Variants in R3HDM1 observed in about 807,000 individuals in gnomAD.
R3HDM1 encodes R3H domain-containing protein 1.
R3HDM1 carries 46 observed loss-of-function variants against 141.1 expected under a neutral mutation model. That is an observed-to-expected ratio of 0.33 (90% CI 0.26 to 0.42). The LOEUF is 0.42. Among genes scored for constraint, R3HDM1 ranks in the 10% least tolerant of loss-of-function variants. The pLI, the probability that R3HDM1 is intolerant of heterozygous loss-of-function variation, is 1.00. For missense variants in R3HDM1, 1,184 were observed against 1,368.3 expected, an observed-to-expected ratio of 0.87 and a Z score of 2.12; for synonymous variants, 435 against 472.9, an observed-to-expected ratio of 0.92 and a Z score of 1.04.
intron 1 of R3HDM1, among the ~76,000 whole-genome samples, chr2:135,569,490 A>G (rs1443729336): frequency 6.6e-6 from 1 of 152,092 alleles, no homozygotes; most frequent in Admixed American, 6.5e-5. Context: ...CTAAAAAAAA[A>G]AAAATTCATA....
chr2:135,613,866 G>A (rs1331052852), intron 3 of R3HDM1, among the ~76,000 whole-genome samples: 1 of 152,160 alleles, frequency 6.6e-6, no homozygotes, highest in African/African-American at 2.4e-5. Flanking sequence ...ATTTGTGTTT[G>A]ATTAAATAAC....
intron 1 of R3HDM1, chr2:135,583,622 A>T (rs1306414998): frequency 5.8e-6 from 3 of 517,066 alleles, no homozygotes; most frequent in Non-Finnish European, 7.5e-6. Flanking sequence ...ACTTCAAGAG[A>T]TGTGTTAAAT....
rs537179949 is a variant in R3HDM1, at chr2:135,576,433, C to T, written c.-249-26067C>T. 6.6e-5 allele frequency among the ~76,000 whole-genome samples: 10 copies of T among 151,904 alleles called. No homozygotes were observed. In the South Asian group the frequency reaches 1.9e-3, roughly 28 times the overall value. ...AAATTGGCTTTTTAATAAATGGTAC[C>T]GATATATCTGAATGTCCCAGATAAT... On this transcript the variant is annotated intron_variant, in intron 1 of 26. Coordinates refer to ENST00000683871, the MANE Select transcript of R3HDM1 (RefSeq NM_001378107.1).
chr2:135,668,667 A>G (rs2067882717), intron 19 of R3HDM1, among the ~76,000 whole-genome samples: 1 of 152,204 alleles, frequency 6.6e-6, no homozygotes, highest in Non-Finnish European at 1.5e-5. Context: ...GAAAAAAGTC[A>G]TTGCTTCACA....
rs573498209 is a variant in R3HDM1, at chr2:135,564,636, A to T, written c.-250+33003A>T. 2.6e-5 allele frequency among the ~76,000 whole-genome samples: 4 copies of T among 152,298 alleles called. No individual in the cohort carries two copies. The East Asian group carries it at 7.7e-4, about 29-fold the overall frequency. ...GGCCCAGCCTAAATGTTGCAGAAAAATTTCTATAGTGCAGAGTAGAGTGAG... is the reference window on the plus strand; with the variant it reads ...GGCCCAGCCTAAATGTTGCAGAAAATTTTCTATAGTGCAGAGTAGAGTGAG... On this transcript the variant is annotated intron_variant, in intron 1 of 26. Transcript: ENST00000683871.
At chr2:135,719,973 G>A (rs543173231) in intron 24 of R3HDM1, among the ~76,000 whole-genome samples, 1 of 151,998 alleles carries the variant, frequency 6.6e-6, no homozygotes, top group Non-Finnish European at 1.5e-5. Context: ...AGCCTCCCAA[G>A]TAGCTGGGAT....
chr2:135,690,018 A>G (rs920438498), intron 21 of R3HDM1, among the ~76,000 whole-genome samples: 1 of 152,176 alleles, frequency 6.6e-6, no homozygotes, highest in African/African-American at 2.4e-5. Context: ...TGAAAAGACT[A>G]TAGCCTTTTT....
intron 21 of R3HDM1, among the ~76,000 whole-genome samples, chr2:135,690,168 T>C (rs963263508): frequency 5.3e-5 from 8 of 152,168 alleles, no homozygotes; most frequent in African/African-American, 1.9e-4. Context: ...CTAGTGTCCC[T>C]TTTGTCCTAC....
At chr2:135,676,279 T>G (rs2069164839) in intron 20 of R3HDM1, among the ~76,000 whole-genome samples, 1 of 145,152 alleles carries the variant, frequency 6.9e-6, no homozygotes. Context: ...GAGTCACCAC[T>G]GCACTCCAGC....
intron 11 of R3HDM1, 82 bp downstream of exon 11, chr2:135,636,265 G>A: frequency 6.7e-7 from 1 of 1,485,768 alleles, no homozygotes; most frequent in African/African-American, 1.4e-5. Context: ...TTTATCTATT[G>A]ATCACATTTA....
intron 1 of R3HDM1, among the ~76,000 whole-genome samples, chr2:135,598,234 T>G (rs895564215): frequency 2.6e-5 from 4 of 152,184 alleles, no homozygotes; most frequent in African/African-American, 9.6e-5. Context: ...TTGGTACTCA[T>G]CATCACAGGC....
intron 25 of R3HDM1, 39 bp downstream of exon 25, chr2:135,722,045 A>G (rs1246355771): frequency 6.4e-7 from 1 of 1,566,922 alleles, no homozygotes. Flanking sequence ...TTGTTGCAGA[A>G]CATCATAGCT....
intron 20 of R3HDM1, among the ~76,000 whole-genome samples, chr2:135,677,699 G>A (rs1338728619): frequency 6.6e-6 from 1 of 152,052 alleles, no homozygotes; most frequent in Non-Finnish European, 1.5e-5. Flanking sequence ...GCTGAATATT[G>A]TAGGAAGTAT....
chr2:135,680,508 G>A (rs6710892), intron 21 of R3HDM1, among the ~76,000 whole-genome samples, 184 bp downstream of exon 21: 36,439 of 152,138 alleles, frequency 0.24, 6,365 homozygotes, highest in African/African-American at 0.48. Context: ...GGTGGCTCAC[G>A]CCTATAATCC....
At chr2:135,554,378 G>A (rs113896555) in intron 1 of R3HDM1, among the ~76,000 whole-genome samples, 151 of 152,264 alleles carry the variant, frequency 9.9e-4, no homozygotes, top group African/African-American at 2.4e-3. Flanking sequence ...AATAATATGC[G>A]TTTGAATGGA....
At chr2:135,536,835 G>A in intron 1 of R3HDM1, 1 of 493,304 alleles carries the variant, frequency 2.0e-6, no homozygotes, top group Non-Finnish European at 2.6e-6. Context: ...TGTCAGATCA[G>A]CGGTGGCATT....
chr2:135,653,612 C>T lies in R3HDM1; in HGVS notation c.2028+1580C>T, dbSNP rs58638546. On this transcript the variant is annotated intron_variant, in intron 18 of 26. Transcript: ENST00000683871. ...TACTTAGAAGTATGTTATTTAATTTCCAAATACGTAGGGGCTTTCTAAATA... is the reference window on the plus strand; with the variant it reads ...TACTTAGAAGTATGTTATTTAATTTTCAAATACGTAGGGGCTTTCTAAATA... 2.9e-3 allele frequency among the ~76,000 whole-genome samples: 448 copies of T among 152,116 alleles called. 2 individuals carry two copies. The highest frequency in any genetic ancestry group is 0.01 in the African/African-American group (422 of 41,496).
chr2:135,680,005 A>G (rs988221702), intron 20 of R3HDM1, among the ~76,000 whole-genome samples, 168 bp from the exon 21 acceptor site: 1 of 152,186 alleles, frequency 6.6e-6, no homozygotes, highest in Non-Finnish European at 1.5e-5. Flanking sequence ...GCTTCAACCC[A>G]GGAGGCAGGG....
Position 135,550,586 on chromosome 2 carries a change from T to G in R3HDM1, c.-250+18953T>G, listed in dbSNP as rs115074742. On this transcript the variant is annotated intron_variant, in intron 1 of 26. Coordinates refer to ENST00000683871, the MANE Select transcript of R3HDM1 (RefSeq NM_001378107.1). ...TGGTCCTACGATAAGGGGTAATTGG[T>G]GTTCTTGTTTGTGAAAGTCACACCA... Among the ~76,000 whole-genome samples, 617 of 152,348 alleles carry G rather than the reference T, an allele frequency of 4.0e-3. 5 individuals carry two copies. The highest frequency in any genetic ancestry group is 0.014 in the African/African-American group (589 of 41,584).
Sources: allele counts gnomAD v4.1 joint callset (sites outside exome capture counted in the v4.1 genomes callset), GRCh38; gene constraint gnomAD v4.1.1; transcripts MANE v1.5; gene names NCBI Gene and HGNC (gene_info 2026-07-23, HGNC 2026-07-21).